The following NEGR1 variants were observed in gnomAD, a reference collection of about 807,000 sequenced individuals.
NEGR1 encodes the protein IgLON family member 4.
Under a neutral mutation model 40.9 loss-of-function variants are expected in NEGR1, and 10 were observed. That is an observed-to-expected ratio of 0.24 (90% CI 0.15 to 0.42). The LOEUF (loss-of-function observed/expected upper bound fraction) is 0.42. NEGR1 is among the 10% of genes least tolerant of loss of function. The pLI is 1.00. For synonymous variants in NEGR1, 185 were observed against 166.8 expected (o/e 1.11, Z -0.84); for missense variants, 352 against 438.9 (o/e 0.80, Z 1.77).
chr1:72,189,354 A>C (rs1652730763), intron 1 of NEGR1, among the ~76,000 whole-genome samples: 1 of 151,474 alleles, frequency 6.6e-6, no homozygotes, highest in Non-Finnish European at 1.5e-5. Context: ...GTTTACTCAT[A>C]TTAATCTTAT....
At chr1:72,084,274 G>C (rs1648124092) in intron 1 of NEGR1, among the ~76,000 whole-genome samples, 1 of 152,086 alleles carries the variant, frequency 6.6e-6, no homozygotes, top group Admixed American at 6.6e-5. Context: ...GATGTTTTAA[G>C]CAAATGACTC....
intron 1 of NEGR1, among the ~76,000 whole-genome samples, chr1:72,187,231 C>T (rs1043883278): frequency 6.6e-6 from 1 of 151,336 alleles, no homozygotes; most frequent in African/African-American, 2.4e-5. Context: ...TAAAGCTCAG[C>T]CTTTAATATC....
At chr1:71,750,632 A>G (rs1655540640) in intron 3 of NEGR1, among the ~76,000 whole-genome samples, 2 of 152,144 alleles carry the variant, frequency 1.3e-5, no homozygotes, top group South Asian at 4.1e-4. Context: ...CACTATCGAG[A>G]ACAGCATGGG....
At chr1:71,709,661 A>T (rs1654015905) in intron 3 of NEGR1, among the ~76,000 whole-genome samples, 1 of 152,204 alleles carries the variant, frequency 6.6e-6, no homozygotes, top group Admixed American at 6.5e-5. Flanking sequence ...CTGGATATTC[A>T]TACATAAAAG....
At chr1:71,651,065 T>C (rs902554764) in intron 4 of NEGR1, among the ~76,000 whole-genome samples, 3 of 152,170 alleles carry the variant, frequency 2.0e-5, no homozygotes, top group South Asian at 2.1e-4. Context: ...CACCATTCTC[T>C]AGTATAGTAC....
At chr1:71,642,603 G>C (rs868588805) in intron 4 of NEGR1, among the ~76,000 whole-genome samples, 1 of 151,474 alleles carries the variant, frequency 6.6e-6, no homozygotes, top group Non-Finnish European at 1.5e-5. Context: ...TTCAATAAAG[G>C]ACTATGCAGT....
intron 1 of NEGR1, among the ~76,000 whole-genome samples, chr1:72,261,911 C>T (rs1337928037): frequency 1.3e-5 from 2 of 151,988 alleles, no homozygotes; most frequent in Non-Finnish European, 2.9e-5. Flanking sequence ...CTATTAGGTA[C>T]AATGTACTTT....
chr1:71,405,277 C>A lies in NEGR1; in HGVS notation c.*2169G>T, dbSNP rs1327353844. 1 of 152,296 alleles carries A rather than the reference C, an allele frequency of 6.6e-6. No homozygotes were observed. Among genetic ancestry groups the A allele is most frequent in the Non-Finnish European group, 1.5e-5 (1 of 67,738 alleles). The allele number at this position is 152,296 out of a possible 1,614,324, so 9.4% of individuals were successfully genotyped here. A position where few individuals can be genotyped will look rare whatever the true frequency, so the allele number is the denominator to read the frequency against. ...AGGAGGTATTTTAACTCTAGGAAAG[C>A]GGTCACTGAATAATATGCATTCTTG... On this transcript the variant is annotated 3_prime_UTR_variant, in exon 7 of 7. Coordinates refer to ENST00000357731, the MANE Select transcript of NEGR1 (RefSeq NM_173808.3).
intron 3 of NEGR1, among the ~76,000 whole-genome samples, chr1:71,723,550 C>T (rs1036384009): frequency 4.6e-5 from 7 of 152,108 alleles, no homozygotes; most frequent in African/African-American, 1.7e-4. Context: ...CAGGGAGCTT[C>T]TGAAGACATC....
intron 1 of NEGR1, among the ~76,000 whole-genome samples, chr1:72,026,725 C>T (rs1272776536): frequency 6.6e-6 from 1 of 152,030 alleles, no homozygotes; most frequent in Non-Finnish European, 1.5e-5. Flanking sequence ...CTTTCATTGA[C>T]TTGGTTTATG....
At chr1:71,695,513 T>A (rs1380226855) in intron 4 of NEGR1, among the ~76,000 whole-genome samples, 1 of 151,726 alleles carries the variant, frequency 6.6e-6, no homozygotes, top group African/African-American at 2.4e-5. Flanking sequence ...GTTTTAAAAT[T>A]TTCTCCCTTT....
intron 1 of NEGR1, among the ~76,000 whole-genome samples, chr1:72,040,577 CAAAAAAAAAAA>C (rs5775102): frequency 3.4e-5 from 1 of 29,684 alleles, no homozygotes; most frequent in Non-Finnish European, 5.9e-5. Flanking sequence ...GAGCACTGAC[CAAAAAAAAAAA>C]AAAAAAAAAA....
At chr1:71,749,226 T>G (rs901384840) in intron 3 of NEGR1, among the ~76,000 whole-genome samples, 2 of 152,162 alleles carry the variant, frequency 1.3e-5, no homozygotes, top group African/African-American at 4.8e-5. Context: ...GGTATCACAA[T>G]TTTTCACAGA....
At chr1:71,861,608 G>T (rs990792906) in intron 2 of NEGR1, among the ~76,000 whole-genome samples, 6 of 152,040 alleles carry the variant, frequency 3.9e-5, no homozygotes, top group Non-Finnish European at 8.8e-5. Context: ...GCACAATTCA[G>T]TAAGTAATGA....
chr1:71,752,561 C>G (rs748566169), intron 3 of NEGR1, among the ~76,000 whole-genome samples: 6 of 152,038 alleles, frequency 3.9e-5, no homozygotes, highest in Non-Finnish European at 7.4e-5. Flanking sequence ...CTATGTTTTC[C>G]TCTTTTGCAT....
chr1:72,146,233 T>C (rs1650904093), intron 1 of NEGR1, among the ~76,000 whole-genome samples: 1 of 152,188 alleles, frequency 6.6e-6, no homozygotes, highest in African/African-American at 2.4e-5. Flanking sequence ...CAATAACTTT[T>C]TAATTAAACA....
At chr1:71,861,609 T>G (rs920254972) in intron 2 of NEGR1, among the ~76,000 whole-genome samples, 8 of 152,078 alleles carry the variant, frequency 5.3e-5, no homozygotes, top group Non-Finnish European at 1.2e-4. Flanking sequence ...CACAATTCAG[T>G]AAGTAATGAG....
rs184400604 is a variant in NEGR1 at position 71,825,377 on chromosome 1, C to T, written c.410-49080G>A. On this transcript the variant is annotated intron_variant, in intron 2 of 6. Coordinates refer to ENST00000357731, the MANE Select transcript of NEGR1 (RefSeq NM_173808.3). ...AACTCATCTGTGTAGTTTTTAAAAT[C>T]TCTGCATGCTTTGGTCCCACTTCTA... Among the ~76,000 whole-genome samples the T allele has an allele frequency of 7.4e-4, 112 of 151,936 alleles. 1 individual carries two copies. The highest frequency in any genetic ancestry group is 2.6e-3 in the African/African-American group (107 of 41,518).
At chr1:71,733,049 T>G (rs1654939660) in intron 3 of NEGR1, among the ~76,000 whole-genome samples, 1 of 150,560 alleles carries the variant, frequency 6.6e-6, no homozygotes, top group African/African-American at 2.5e-5. Flanking sequence ...TTTTCTCAAG[T>G]CAAATATGGT....
Sources: gnomAD v4.1 joint callset for allele counts (sites outside exome capture counted in the v4.1 genomes callset) on GRCh38, gnomAD v4.1.1 for gene constraint, MANE v1.5 for transcripts, NCBI Gene and HGNC (gene_info 2026-07-23, HGNC 2026-07-21) for gene names.